The following TMEM132D variants were observed in gnomAD, a reference collection of about 807,000 sequenced individuals.
TMEM132D encodes the protein transmembrane protein 132D.
A neutral mutation model predicts 62.3 loss-of-function variants in TMEM132D; 21 were observed. That is an observed-to-expected ratio of 0.34 (90% CI 0.24 to 0.49). The LOEUF (loss-of-function observed/expected upper bound fraction) is 0.49, where lower values mean the gene tolerates loss of function less well. Among genes scored for constraint, TMEM132D ranks in the 20% least tolerant of loss-of-function variants. The pLI, the probability that TMEM132D is intolerant of heterozygous loss-of-function variation, is 0.99. For missense variants in TMEM132D, 1,346 were observed against 1,402.8 expected (o/e 0.96, Z 0.65); for synonymous variants, 621 against 575.6 (o/e 1.08, Z -1.13).
intron 4 of TMEM132D, among the ~76,000 whole-genome samples, chr12:129,239,148 G>A (rs1879867127): frequency 6.6e-6 from 1 of 152,048 alleles, no homozygotes; most frequent in Non-Finnish European, 1.5e-5. Context: ...TTGGAGAAAT[G>A]TCTGTTCATG....
At chr12:129,116,776 G>A (rs927778483) in intron 5 of TMEM132D, among the ~76,000 whole-genome samples, 11 of 151,988 alleles carry the variant, frequency 7.2e-5, no homozygotes, top group Admixed American at 3.3e-4. Flanking sequence ...ACAGGAACTC[G>A]TATTCACTGC....
intron 2 of TMEM132D, among the ~76,000 whole-genome samples, chr12:129,576,868 A>G (rs1039082357): frequency 2.0e-5 from 3 of 151,962 alleles, no homozygotes; most frequent in Admixed American, 1.3e-4. Context: ...ATCATAAGAA[A>G]GAGAAAACAC....
intron 1 of TMEM132D, among the ~76,000 whole-genome samples, chr12:129,886,893 A>T (rs1208571668): frequency 6.6e-6 from 1 of 152,110 alleles, no homozygotes; most frequent in Non-Finnish European, 1.5e-5. Context: ...TTTGCTGGGC[A>T]CTTCTCCTTG....
intron 2 of TMEM132D, among the ~76,000 whole-genome samples, chr12:129,592,128 G>A (rs987652372): frequency 6.6e-6 from 1 of 152,018 alleles, no homozygotes; most frequent in Non-Finnish European, 1.5e-5. Flanking sequence ...CTGATTATAA[G>A]ACATGTCTTA....
At chr12:129,646,934 G>T (rs759719917) in intron 2 of TMEM132D, among the ~76,000 whole-genome samples, 1 of 151,522 alleles carries the variant, frequency 6.6e-6, no homozygotes, top group Non-Finnish European at 1.5e-5. Flanking sequence ...TGAGTAGTGG[G>T]GATTACAGGT....
chr12:129,085,376 G>A (rs530366501), intron 5 of TMEM132D: 4 of 152,346 alleles, frequency 2.6e-5, no homozygotes, highest in Admixed American at 6.5e-5. Flanking sequence ...GCACAGGGGT[G>A]GATTCTGAGG....
intron 2 of TMEM132D, among the ~76,000 whole-genome samples, chr12:129,563,314 GA>G (rs1877286841): frequency 6.6e-6 from 1 of 152,162 alleles, no homozygotes; most frequent in African/African-American, 2.4e-5. Flanking sequence ...TGCTGTTTTA[GA>G]AGGCATACAG....
intron 3 of TMEM132D, among the ~76,000 whole-genome samples, chr12:129,430,355 GT>G (rs1192104338): frequency 3.3e-5 from 5 of 152,240 alleles, no homozygotes; most frequent in African/African-American, 1.2e-4. Context: ...ATTTTTTCAT[GT>G]GTCTTTTGGC....
intron 2 of TMEM132D, among the ~76,000 whole-genome samples, chr12:129,537,839 A>G (rs1593056872): frequency 6.6e-6 from 1 of 152,244 alleles, no homozygotes; most frequent in African/African-American, 2.4e-5. Flanking sequence ...TGATGAGAAC[A>G]GTTTTCAGTA....
intron 4 of TMEM132D, among the ~76,000 whole-genome samples, chr12:129,309,827 GA>G (rs112303590): frequency 0.013 from 1,915 of 151,830 alleles, 44 homozygotes; most frequent in African/African-American, 0.044. Context: ...AATCCTGAGG[GA>G]AAAAAGCAAA....
At chr12:129,649,498 A>G (rs1044585722) in intron 2 of TMEM132D, among the ~76,000 whole-genome samples, 1 of 152,126 alleles carries the variant, frequency 6.6e-6, no homozygotes, top group Non-Finnish European at 1.5e-5. Context: ...CCACTCTACC[A>G]TCTTTGCAAA....
At chr12:129,573,471 T>C (rs1444868167) in intron 2 of TMEM132D, among the ~76,000 whole-genome samples, 1 of 152,176 alleles carries the variant, frequency 6.6e-6, no homozygotes, top group South Asian at 2.1e-4. Flanking sequence ...AGGGAGGTCA[T>C]GGGACTCACG....
intron 1 of TMEM132D, among the ~76,000 whole-genome samples, chr12:129,888,222 T>G (rs1237437103): frequency 6.6e-6 from 1 of 152,200 alleles, no homozygotes; most frequent in African/African-American, 2.4e-5. Flanking sequence ...TTAAGGACTC[T>G]GAAAAATTAC....
Position 129,423,592 on chromosome 12 carries a change from G to A in TMEM132D, c.1116-85775C>T, listed in dbSNP as rs547392774. On this transcript the variant is annotated intron_variant, in intron 3 of 8. Coordinates refer to ENST00000422113, the MANE Select transcript of TMEM132D (RefSeq NM_133448.3). ...AGGGGAAGGGGACTGGTGAATGAGA[G>A]TCTGTGTCACTCACCTAGCCCAAGA... 3.9e-5 allele frequency among the ~76,000 whole-genome samples: 6 copies of A among 152,280 alleles called. No individual in the cohort carries two copies. The South Asian group carries it at 1.2e-3, about 32-fold the overall frequency.
At chr12:129,751,800 A>G (rs2137267926) in intron 1 of TMEM132D, among the ~76,000 whole-genome samples, 1 of 152,326 alleles carries the variant, frequency 6.6e-6, no homozygotes, top group East Asian at 1.9e-4. Context: ...GTCTCCTGTT[A>G]AAGTGGAATC....
At chr12:129,688,660 C>T (rs1237244848) in intron 2 of TMEM132D, among the ~76,000 whole-genome samples, 10 of 151,890 alleles carry the variant, frequency 6.6e-5, no homozygotes, top group African/African-American at 1.9e-4. Context: ...ATGACATCCA[C>T]TCATCCTTCC....
Position 129,228,378 on chromosome 12 carries a change from T to C in TMEM132D, c.1300-18715A>G, listed in dbSNP as rs112160245. The stretch of plus-strand genomic sequence containing the variant: ...TTATTGAGATAAAATTCATATACCA[T>C]AAAATTCATCTGCTTAAAGTGTGCA... On this transcript the variant is annotated intron_variant, in intron 4 of 8. Transcript: ENST00000422113. Among the ~76,000 whole-genome samples, 110 of 152,316 alleles carry C rather than the reference T, an allele frequency of 7.2e-4. 1 individual carries two copies. The highest frequency in any genetic ancestry group is 2.6e-3 in the African/African-American group (107 of 41,562).
chr12:129,774,452 T>C (rs1241509578), intron 1 of TMEM132D, among the ~76,000 whole-genome samples: 1 of 152,138 alleles, frequency 6.6e-6, no homozygotes, highest in Admixed American at 6.5e-5. Context: ...GCTGCCTAGA[T>C]CGGGTGTAAC....
chr12:129,514,004 ATT>A (rs529093747), intron 3 of TMEM132D, among the ~76,000 whole-genome samples: 8 of 147,666 alleles, frequency 5.4e-5, no homozygotes, highest in Non-Finnish European at 9.0e-5. Flanking sequence ...CGCCTGGCTA[ATT>A]TTTTTTGTAT....
Sources: gnomAD v4.1 joint callset for allele counts (sites outside exome capture counted in the v4.1 genomes callset) on GRCh38, gnomAD v4.1.1 for gene constraint, MANE v1.5 for transcripts, NCBI Gene and HGNC (gene_info 2026-07-23, HGNC 2026-07-21) for gene names.